PTPRG: variants seen among roughly 807,000 people sequenced by gnomAD.
PTPRG encodes the protein receptor-type tyrosine-protein phosphatase gamma.
A neutral mutation model predicts 165.3 loss-of-function variants in PTPRG; 102 were observed. The ratio of observed to expected loss-of-function variants is 0.62; its 90% CI spans 0.53 to 0.73. The LOEUF (loss-of-function observed/expected upper bound fraction) is 0.73. Among genes scored for constraint, PTPRG ranks in the 30% least tolerant of loss-of-function variants. PTPRG has a pLI of 0.00. For missense variants in PTPRG, 1,866 were observed against 1,861.4 expected, an observed-to-expected ratio of 1.00 and a Z score of -0.05; for synonymous variants, 675 against 669.5, an observed-to-expected ratio of 1.01 and a Z score of -0.13.
chr3:61,676,134 A>T (rs1703206544), intron 1 of PTPRG, among the ~76,000 whole-genome samples: 1 of 152,180 alleles, frequency 6.6e-6, no homozygotes, highest in Non-Finnish European at 1.5e-5. Context: ...TAGTTAACAA[A>T]ACAATCATGA....
intron 2 of PTPRG, among the ~76,000 whole-genome samples, chr3:61,862,614 T>C (rs1205787874): frequency 6.6e-6 from 1 of 152,062 alleles, no homozygotes; most frequent in Non-Finnish European, 1.5e-5. Context: ...AGGATGGTCT[T>C]GAGCTCCCAA....
At chr3:62,079,724 A>T (rs1701501452) in intron 5 of PTPRG, among the ~76,000 whole-genome samples, 1 of 152,206 alleles carries the variant, frequency 6.6e-6, no homozygotes, top group African/African-American at 2.4e-5. Context: ...GAGCTTATTC[A>T]CTGGAGTCAA....
chr3:62,113,214 TA>T (rs1456523882), intron 5 of PTPRG, among the ~76,000 whole-genome samples: 1 of 152,052 alleles, frequency 6.6e-6, no homozygotes, highest in Non-Finnish European at 1.5e-5. Context: ...GGAGGAGAAG[TA>T]GATTAAAGAT....
chr3:61,800,912 T>C (rs1047564173), intron 2 of PTPRG, among the ~76,000 whole-genome samples: 20 of 152,252 alleles, frequency 1.3e-4, no homozygotes, highest in Middle Eastern at 3.4e-3. Flanking sequence ...CCCAAAGTGC[T>C]GGGATTACAG....
intron 14 of PTPRG, among the ~76,000 whole-genome samples, chr3:62,235,119 T>A (rs1188336914): frequency 2.0e-5 from 3 of 152,224 alleles, no homozygotes; most frequent in Non-Finnish European, 4.4e-5. Flanking sequence ...AGATTATAAA[T>A]ACTGAAAAAT....
chr3:62,021,857 C>CTTTTTTTT (rs398062374), intron 4 of PTPRG, among the ~76,000 whole-genome samples: 70 of 97,066 alleles, frequency 7.2e-4, no homozygotes, highest in Non-Finnish European at 1.0e-3. Context: ...TTTTCCTTTT[C>CTTTTTTTT]TTTTTTTTTT....
At chr3:62,019,175 A>G (rs1004824142) in intron 4 of PTPRG, among the ~76,000 whole-genome samples, 6 of 152,006 alleles carry the variant, frequency 3.9e-5, no homozygotes, top group African/African-American at 1.5e-4. Context: ...TCCCTCTGCG[A>G]CCTCCTGAAT....
chr3:61,956,766 T>C (rs1280618499), intron 2 of PTPRG, among the ~76,000 whole-genome samples: 3 of 152,236 alleles, frequency 2.0e-5, no homozygotes, highest in Non-Finnish European at 4.4e-5. Context: ...ACATACCTTT[T>C]GTATGACATT....
At chr3:62,179,970 A>T (rs1428664915) in intron 8 of PTPRG, among the ~76,000 whole-genome samples, 1 of 152,220 alleles carries the variant, frequency 6.6e-6, no homozygotes, top group Admixed American at 6.5e-5. Context: ...GAAGTAGCAG[A>T]GATGCAGAGT....
chr3:61,962,078 C>G (rs149006070), intron 2 of PTPRG, among the ~76,000 whole-genome samples: 17 of 152,198 alleles, frequency 1.1e-4, no homozygotes, highest in Non-Finnish European at 2.1e-4. Flanking sequence ...GTTTTAAGTA[C>G]GTTGATTTCT....
In PTPRG at chr3:62,093,334, C is replaced by T. The variant is rs949945796; in HGVS notation, c.615+15076C>T. Among the ~76,000 whole-genome samples, 8 of 152,296 alleles carry T rather than the reference C, an allele frequency of 5.3e-5. No individual in the cohort carries two copies. In the South Asian group the frequency reaches 1.0e-3, roughly 20 times the overall value. On this transcript the variant is annotated intron_variant, in intron 5 of 29. Transcript: ENST00000474889. ...CAACTCCTGAGGTTCATGATCCTCCCGCCCTCTGCTTCCCAGAGTCACACC... is the reference window on the plus strand; with the variant it reads ...CAACTCCTGAGGTTCATGATCCTCCTGCCCTCTGCTTCCCAGAGTCACACC...
chr3:61,575,250 G>T (rs1700148294), intron 1 of PTPRG, among the ~76,000 whole-genome samples: 1 of 152,126 alleles, frequency 6.6e-6, no homozygotes, highest in Non-Finnish European at 1.5e-5. Context: ...TTTCTGGGGA[G>T]TCTAGGGGAA....
At chr3:61,819,155 A>G (rs1262408147) in intron 2 of PTPRG, among the ~76,000 whole-genome samples, 1 of 152,106 alleles carries the variant, frequency 6.6e-6, no homozygotes, top group East Asian at 1.9e-4. Flanking sequence ...CATATTTAAG[A>G]TATGCAAGGA....
intron 1 of PTPRG, among the ~76,000 whole-genome samples, chr3:61,612,524 C>T (rs1701200698): frequency 1.3e-5 from 2 of 152,188 alleles, no homozygotes; most frequent in Non-Finnish European, 2.9e-5. Context: ...CAGGTAGGTG[C>T]TGGGCACGAA....
At position 61,817,048 on chromosome 3, in the gene PTPRG, AT is replaced by A. The variant is rs564058234; in HGVS notation, c.190+68068del. ...TAATATATAGTATATAATATATAATATTATATATAATATATAATACATATAT... is the reference window on the plus strand; with the variant it reads ...TAATATATAGTATATAATATATAATATATATATAATATATAATACATATAT... On this transcript the variant is annotated intron_variant, in intron 2 of 29. Coordinates refer to ENST00000474889, the MANE Select transcript of PTPRG (RefSeq NM_002841.4). Among the ~76,000 whole-genome samples, 503 of 128,980 alleles carry A rather than the reference AT, an allele frequency of 3.9e-3. 16 individuals carry two copies. The highest frequency in any genetic ancestry group is 0.035 in the Admixed American group (391 of 11,272). 84.6% of individuals were successfully genotyped at this position (128,980 alleles called of 152,430 possible). A position where few individuals can be genotyped will look rare whatever the true frequency, so the allele number is the denominator to read the frequency against.
Position 62,252,753 on chromosome 3 carries a change from G to A in PTPRG, c.2468-2371G>A, listed in dbSNP as rs959765876. On this transcript the variant is annotated intron_variant, in intron 15 of 29. Transcript: ENST00000474889. The surrounding 1 kb of genome is among the most constrained non-coding windows in gnomAD (Gnocchi z 4.6). The stretch of plus-strand genomic sequence containing the variant: ...AGCCTTATATTCATCTCAGTATAAA[G>A]AAAAGAGATTTATGACTCCTCAGCT... Among the ~76,000 whole-genome samples, 1 of 152,162 alleles carries A rather than the reference G, an allele frequency of 6.6e-6. No homozygotes were observed. The highest frequency in any genetic ancestry group is 2.4e-5 in the African/African-American group (1 of 41,440).
At chr3:61,641,821 A>T (rs1559536457) in intron 1 of PTPRG, among the ~76,000 whole-genome samples, 1 of 152,246 alleles carries the variant, frequency 6.6e-6, no homozygotes, top group East Asian at 1.9e-4. Flanking sequence ...ATTGCAAAGC[A>T]GGAAGTAAAC....
At chr3:61,937,348 T>A (rs1240062743) in intron 2 of PTPRG, among the ~76,000 whole-genome samples, 1 of 152,208 alleles carries the variant, frequency 6.6e-6, no homozygotes, top group Non-Finnish European at 1.5e-5. Context: ...AGTGTCCTTT[T>A]GAATCCCGTG....
intron 2 of PTPRG, among the ~76,000 whole-genome samples, chr3:61,871,128 ATGTTG>A (rs796152535): frequency 0.019 from 2,351 of 122,652 alleles, 42 homozygotes; most frequent in Admixed American, 0.029. Flanking sequence ...ATGTTATGTT[ATGTTG>A]TGTTGTGTTG....
Sources: allele counts gnomAD v4.1 joint callset (sites outside exome capture counted in the v4.1 genomes callset), GRCh38; gene constraint gnomAD v4.1.1; non-coding constraint Gnocchi (gnomAD v3.1); transcripts MANE v1.5; gene names NCBI Gene and HGNC (gene_info 2026-07-23, HGNC 2026-07-21).